The following PCDHA11 variants were observed in gnomAD, a reference collection of about 807,000 sequenced individuals.
PCDHA11 encodes protocadherin alpha 11, also known as protocadherin alpha-11.
In PCDHA11, 61 loss-of-function variants were observed where a neutral mutation model predicts 70.3. The observed-to-expected ratio is 0.87, with a 90% CI of 0.71 to 1.07. PCDHA11 has a LOEUF of 1.07. Among genes scored for constraint, PCDHA11 ranks in the 50% least tolerant of loss-of-function variants. PCDHA11 has a pLI of 0.00. For synonymous variants in PCDHA11, 633 were observed against 555.1 expected, an observed-to-expected ratio of 1.14 and a Z score of -1.97; for missense variants, 1,324 against 1,237.5, an observed-to-expected ratio of 1.07 and a Z score of -1.05.
At chr5:140,967,695 T>G in intron 1 of PCDHA11, 1 of 1,614,184 alleles carries the variant, frequency 6.2e-7, no homozygotes, top group Non-Finnish European at 8.5e-7. Flanking sequence ...CTCTTCAGCA[T>G]AGATGCCAGT....
At chr5:140,876,861 C>A in intron 1 of PCDHA11, 2 of 1,614,088 alleles carry the variant, frequency 1.2e-6, no homozygotes, top group Non-Finnish European at 1.7e-6. Flanking sequence ...ACACAGTGTT[C>A]GTGAAGGAGA....
chr5:140,891,637 G>A (rs1245368138), intron 1 of PCDHA11, among the ~76,000 whole-genome samples: 1 of 151,912 alleles, frequency 6.6e-6, no homozygotes, highest in East Asian at 1.9e-4. Context: ...TGCTCTTTGG[G>A]CTTTATTGTG....
rs114851794 is a variant in PCDHA11, at chr5:140,908,247, A to G, written c.2391+36753A>G. ...GTCCTTAGTCTTCTCTTCCTCATCA[A>G]CTGATCATAGGGAACTCCCCATGAG... On this transcript the variant is annotated intron_variant, in intron 1 of 3. Coordinates refer to ENST00000398640, the MANE Select transcript of PCDHA11 (RefSeq NM_018902.5). Among the ~76,000 whole-genome samples, 435 of 152,170 alleles carry G rather than the reference A, an allele frequency of 2.9e-3. 1 individual carries two copies. Among genetic ancestry groups the G allele is most frequent in the African/African-American group, 9.6e-3 (400 of 41,506 alleles).
chr5:140,922,207 T>C (rs1208986922), intron 1 of PCDHA11, among the ~76,000 whole-genome samples: 3 of 152,162 alleles, frequency 2.0e-5, no homozygotes, highest in Non-Finnish European at 2.9e-5. Context: ...AATGAAACTT[T>C]GTAAAACATT....
At chr5:140,981,849 T>C (rs1460050544) in intron 2 of PCDHA11, among the ~76,000 whole-genome samples, 2 of 152,202 alleles carry the variant, frequency 1.3e-5, no homozygotes, top group African/African-American at 4.8e-5. Flanking sequence ...AGTTTGTATC[T>C]CACTCCCAGC....
At chr5:140,910,387 T>C (rs540534807) in intron 1 of PCDHA11, among the ~76,000 whole-genome samples, 1 of 152,158 alleles carries the variant, frequency 6.6e-6, no homozygotes, top group Admixed American at 6.6e-5. Context: ...CCTTTGACAG[T>C]TGACTGGCCC....
At chr5:140,929,268 A>G (rs1303371377) in intron 1 of PCDHA11, 1 of 1,611,476 alleles carries the variant, frequency 6.2e-7, no homozygotes, top group Non-Finnish European at 8.5e-7. Flanking sequence ...TGAATTTGCC[A>G]ATATCCTGTA....
chr5:140,891,040 C>A (rs2062916193), intron 1 of PCDHA11, among the ~76,000 whole-genome samples: 1 of 145,080 alleles, frequency 6.9e-6, no homozygotes, highest in Admixed American at 6.6e-5. Context: ...TTAGGTGTGA[C>A]CCCCACAGCA....
chr5:140,914,816 A>T (rs2076855290), intron 1 of PCDHA11, among the ~76,000 whole-genome samples: 1 of 152,208 alleles, frequency 6.6e-6, no homozygotes, highest in African/African-American at 2.4e-5. Context: ...AACTTAACAG[A>T]CTGCATAAAC....
At chr5:140,958,692 T>C (rs2095438296) in intron 1 of PCDHA11, among the ~76,000 whole-genome samples, 2 of 152,190 alleles carry the variant, frequency 1.3e-5, no homozygotes, top group African/African-American at 4.8e-5. Flanking sequence ...TTGAATATCC[T>C]AGAGTGACAA....
intron 3 of PCDHA11, among the ~76,000 whole-genome samples, chr5:141,007,208 A>G (rs1056049066): frequency 5.3e-5 from 8 of 152,060 alleles, no homozygotes; most frequent in African/African-American, 1.9e-4. Context: ...GGGCCAGAAT[A>G]TGCTGTCCCA....
chr5:140,929,679 G>T lies in PCDHA11; in HGVS notation c.2392-49270G>T, dbSNP rs142104946. ...ATTTAAAGTGAAGAATGAAAAATAT[G>T]TAAGAGTCTGCTTTATATGAATATA... On this transcript the variant is annotated intron_variant, in intron 1 of 3. Coordinates refer to ENST00000398640, the MANE Select transcript of PCDHA11 (RefSeq NM_018902.5). 2.7e-3 allele frequency: 822 copies of T among 303,170 alleles called. 4 individuals are homozygous for T. Among genetic ancestry groups the T allele is most frequent in the African/African-American group, 0.017 (768 of 46,460 alleles). The allele number at this position is 303,170 out of a possible 1,614,324, so 18.8% of individuals were successfully genotyped here. A position where few individuals can be genotyped will look rare whatever the true frequency, so the allele number is the denominator to read the frequency against.
Position 140,869,862 on chromosome 5 carries a change from A to G in PCDHA11, c.759A>G (p.Glu253=). 3.7e-6 allele frequency: 6 copies of G among 1,610,466 alleles called. No individual in the cohort carries two copies. Among genetic ancestry groups the G allele is most frequent in the Non-Finnish European group, 5.1e-6 (6 of 1,178,136 alleles). The change falls in exon 1 of 4, where the codon GAA becomes GAG. Residue 253 remains glutamate, a synonymous_variant. Coordinates refer to ENST00000398640, the MANE Select transcript of PCDHA11 (RefSeq NM_018902.5). ...DKSEYKVSLM[E]NAAKETLVLK... is the part of the protein sequence containing the mutation. ...CAGAATATAAGGTGAGCCTTATGGA[A>G]AATGCTGCTAAAGAAACTCTTGTGC...
Position 140,967,929 on chromosome 5 carries a change from G to A in PCDHA11, c.2392-11020G>A, listed in dbSNP as rs1554230126. 5 of 1,614,096 alleles carry A rather than the reference G, an allele frequency of 3.1e-6. No homozygotes were observed. The South Asian group carries it at 4.4e-5, about 14-fold the overall frequency. ...CCCAACACCATTGTGGCCGTTCTCAGTGTCAATGACCAAGACTCAGGCCCC... is the reference window on the plus strand; with the variant it reads ...CCCAACACCATTGTGGCCGTTCTCAATGTCAATGACCAAGACTCAGGCCCC... On this transcript the variant is annotated intron_variant, in intron 1 of 3. Coordinates refer to ENST00000398640, the MANE Select transcript of PCDHA11 (RefSeq NM_018902.5).
chr5:140,869,250 G>T lies in PCDHA11; in HGVS notation c.147G>T (p.Ala49=), dbSNP rs371660992. ...ACGGCACCTTCGTGGGCCGCATCGC[G>T]CAGGACCTGGGGCTGGAGCTGGCGG... ...AKHGTFVGRI[A]QDLGLELAEL... is the part of the protein sequence containing the mutation. Residue 49 remains alanine, a synonymous_variant, in exon 1 of 4, where the codon GCG becomes GCT. Transcript: ENST00000398640. The T allele has an allele frequency of 8.4e-5, 135 of 1,613,518 alleles. No homozygotes were observed. In the Middle Eastern group the frequency reaches 1.0e-3, roughly 13 times the overall value.
chr5:140,928,570 C>G, intron 1 of PCDHA11: 1 of 1,614,196 alleles, frequency 6.2e-7, no homozygotes, highest in Non-Finnish European at 8.5e-7. Flanking sequence ...GTTTCCCTTG[C>G]CCAGAAATGG....
rs377328620 is a variant in PCDHA11 at position 140,928,577 on chromosome 5, A to G, written c.2392-50372A>G. On this transcript the variant is annotated intron_variant, in intron 1 of 3. Coordinates refer to ENST00000398640, the MANE Select transcript of PCDHA11 (RefSeq NM_018902.5). ...GTTATCTTGTTTCCCTTGCCCAGAA[A>G]TGGTTCTGTCCCAGTGGAAATTGTG... is the stretch of plus-strand genomic sequence containing the variant. The G allele has an allele frequency of 3.7e-6, 6 of 1,614,070 alleles. No homozygotes were observed. The African/African-American group carries it at 6.7e-5, about 18-fold the overall frequency.
intron 1 of PCDHA11, among the ~76,000 whole-genome samples, chr5:140,887,239 G>C (rs1248062448): frequency 6.6e-6 from 1 of 151,736 alleles, no homozygotes. Flanking sequence ...TGAGACTACC[G>C]GCGCCCGCCA....
At chr5:140,927,602 T>G (rs2084408838) in intron 1 of PCDHA11, 1 of 1,614,104 alleles carries the variant, frequency 6.2e-7, no homozygotes, top group African/African-American at 1.3e-5. Context: ...GAGCGCTCCG[T>G]ATACCGCACC....
Sources: gnomAD v4.1 joint callset for allele counts (sites outside exome capture counted in the v4.1 genomes callset) on GRCh38, gnomAD v4.1.1 for gene constraint, MANE v1.5 for transcripts, NCBI Gene and HGNC (gene_info 2026-07-23, HGNC 2026-07-21) for gene names.